The following VSIG4 variants were observed in gnomAD, a reference collection of about 807,000 sequenced individuals.
The protein encoded by VSIG4 is V-set and immunoglobulin domain containing 4, also known as V-set and immunoglobulin domain-containing protein 4.
A neutral mutation model predicts 23.4 loss-of-function variants in VSIG4; 34 were observed. The observed-to-expected ratio is 1.45, with a 90% CI of 1.10 to 1.93. The LOEUF (loss-of-function observed/expected upper bound fraction) is 1.93, where lower values mean the gene tolerates loss of function less well. Among genes scored for constraint, VSIG4 ranks in the 30% most tolerant of loss-of-function variants. VSIG4 has a pLI of 0.00. For missense variants in VSIG4, 433 were observed against 310.8 expected (o/e 1.39, Z -2.96); for synonymous variants, 169 against 120.3 (o/e 1.41, Z -2.65).
chrX:66,025,161 G>A, intron 5 of VSIG4, 32 bp from the exon 6 acceptor site: 2 of 1,050,499 alleles, frequency 1.9e-6, no homozygotes, highest in Non-Finnish European at 2.6e-6. Context: ...AGTGGTATTT[G>A]ATTGAAAATA....
In VSIG4 at chrX:66,022,040, C is replaced by T. The variant is rs765397094; in HGVS notation, c.*223G>A. On this transcript the variant is annotated 3_prime_UTR_variant, in exon 8 of 8. Transcript: ENST00000374737. ...TTTAGAGAGGAGTACCAGAAGCCCC[C>T]GGCAGAGATACTAGAAGGGCCCAGA... The T allele has an allele frequency of 1.0e-4, 117 of 1,154,341 alleles. No homozygotes were observed. The highest frequency in any genetic ancestry group is 1.2e-4 in the South Asian group (6 of 51,803).
intron 1 of VSIG4, among the ~76,000 whole-genome samples, chrX:66,036,202 T>G (rs772562868): frequency 9.0e-6 from 1 of 110,712 alleles, no homozygotes. Context: ...CGTTCCTTTT[T>G]TCTTCCTTCT....
rs779747134 is a variant in VSIG4 at position 66,027,560 on chromosome X, C to G, written c.758-34G>C. The G allele has an allele frequency of 3.6e-6, 4 of 1,106,015 alleles. No individual in the cohort carries two copies. In the South Asian group the frequency reaches 5.8e-5, roughly 16 times the overall value. 91.1% of individuals were successfully genotyped at this position (1,106,015 alleles called of 1,213,427 possible). A position where few individuals can be genotyped will look rare whatever the true frequency, so the allele number is the denominator to read the frequency against. On this transcript the variant is annotated intron_variant, in intron 4 of 7. Transcript: ENST00000374737. Reference sequence around the variant, plus strand: ...ATAGAGAATAGGGTCAGAGATGTCTCTCTTCTTTCAAAAAGTTGAGAGATA... The same window carrying G: ...ATAGAGAATAGGGTCAGAGATGTCTGTCTTCTTTCAAAAAGTTGAGAGATA...
chrX:66,027,589 G>A, intron 4 of VSIG4, 63 bp from the exon 5 acceptor site: 1 of 969,942 alleles, frequency 1.0e-6, no homozygotes, highest in East Asian at 3.3e-5. Flanking sequence ...AGAGATAGGA[G>A]ATGGTTGCAA....
In VSIG4 at chrX:66,033,535, C is replaced by T; in HGVS notation, c.351G>A (p.Trp117Ter). The change falls in exon 2 of 8, where the codon TGG becomes TGA. Residue 117 changes from tryptophan (W) to a stop codon, truncating the protein, a stop_gained. Coordinates refer to ENST00000374737, the MANE Select transcript of VSIG4 (RefSeq NM_007268.3). LOFTEE classifies it high-confidence loss of function. ...CGACTTGGTTGCCATCAGGAGTCTG[C>T]CAGGTGACTTCACACGTGTAGTGGC... ...DRSHYTCEVT[W>*]QTPDGNQVVR... 3 of 1,211,406 alleles carry T rather than the reference C, an allele frequency of 2.5e-6. No homozygotes were observed. Among genetic ancestry groups the T allele is most frequent in the Non-Finnish European group, 3.4e-6 (3 of 895,328 alleles).
chrX:66,030,830 T>C (rs1423681054), intron 3 of VSIG4, among the ~76,000 whole-genome samples: 1 of 111,709 alleles, frequency 9.0e-6, no homozygotes, highest in Non-Finnish European at 1.9e-5. Flanking sequence ...ATCTGTGTTT[T>C]GTTTTGTTCG....
intron 5 of VSIG4, 114 bp downstream of exon 5, chrX:66,027,335 A>C: frequency 1.6e-6 from 1 of 637,930 alleles, no homozygotes. Context: ...CTTGGCACAT[A>C]GCAGGTAATG....
In VSIG4 at chrX:66,039,925, G is replaced by A. The variant is rs375390953; in HGVS notation, c.55+19C>T. ...TGCCTAAGCCAGCAATGGCAGCCAGGCCCCCCTTTCTGCCTTACCATAAGT... is the reference window on the plus strand; with the variant it reads ...TGCCTAAGCCAGCAATGGCAGCCAGACCCCCCTTTCTGCCTTACCATAAGT... On this transcript the variant is annotated intron_variant, in intron 1 of 7. Coordinates refer to ENST00000374737, the MANE Select transcript of VSIG4 (RefSeq NM_007268.3). The A allele has an allele frequency of 1.4e-4, 171 of 1,208,285 alleles. No homozygotes were observed. Among genetic ancestry groups the A allele is most frequent in the Non-Finnish European group, 1.8e-4 (162 of 894,155 alleles).
At chrX:66,034,107 CCTT>C (rs1273156118) in intron 1 of VSIG4, among the ~76,000 whole-genome samples, 2 of 111,845 alleles carry the variant, frequency 1.8e-5, no homozygotes, top group Non-Finnish European at 3.8e-5. Context: ...AGGTAAGTCA[CCTT>C]CTTACCGTGG....
chrX:66,038,724 G>A (rs2085649793), intron 1 of VSIG4, among the ~76,000 whole-genome samples: 1 of 110,981 alleles, frequency 9.0e-6, no homozygotes, highest in Non-Finnish European at 1.9e-5. Flanking sequence ...AATGCTCTTT[G>A]GCTTGGGGGC....
intron 1 of VSIG4, among the ~76,000 whole-genome samples, chrX:66,034,235 A>T (rs1000899365): frequency 2.7e-5 from 3 of 112,222 alleles, no homozygotes; most frequent in African/African-American, 9.7e-5. Flanking sequence ...CACATTTTCC[A>T]AAAGAGATGT....
chrX:66,038,728 TG>T (rs980453939), intron 1 of VSIG4, among the ~76,000 whole-genome samples: 1 of 111,086 alleles, frequency 9.0e-6, no homozygotes, highest in African/African-American at 3.3e-5. Flanking sequence ...CTCTTTGGCT[TG>T]GGGGCAAATT....
intron 1 of VSIG4, among the ~76,000 whole-genome samples, chrX:66,039,578 G>A (rs1033459497): frequency 2.7e-5 from 3 of 111,768 alleles, no homozygotes; most frequent in Non-Finnish European, 3.8e-5. Context: ...AGAGACCAAA[G>A]CTTGGAAGCA....
rs777305404 is a variant in VSIG4 at position 66,022,204 on chromosome X, C to A, written c.*59G>T. 2.5e-6 allele frequency: 3 copies of A among 1,211,495 alleles called. No homozygotes were observed. Among genetic ancestry groups the A allele is most frequent in the African/African-American group, 1.7e-5 (1 of 57,917 alleles). On this transcript the variant is annotated 3_prime_UTR_variant, in exon 8 of 8. Transcript: ENST00000374737. ...AGAGGTAGCAGGGAAGAAGGCCATG[C>A]AGAAGGCAAGGACTGACTAGGCAAT... is the stretch of plus-strand genomic sequence containing the variant.
chrX:66,028,413 G>A (rs904937326), intron 3 of VSIG4, among the ~76,000 whole-genome samples: 1 of 110,960 alleles, frequency 9.0e-6, no homozygotes, highest in African/African-American at 3.3e-5. Context: ...CTGAGACCTA[G>A]TAATTAATTC....
At chrX:66,026,987 A>C (rs1043765913) in intron 5 of VSIG4, among the ~76,000 whole-genome samples, 4 of 111,373 alleles carry the variant, frequency 3.6e-5, no homozygotes, top group South Asian at 7.6e-4. Flanking sequence ...CAAAAGATTT[A>C]TTTGGGATTT....
chrX:66,031,919 T>C (rs2085468405), intron 3 of VSIG4, among the ~76,000 whole-genome samples: 1 of 111,499 alleles, frequency 9.0e-6, no homozygotes. Flanking sequence ...TCAAGCCTAA[T>C]CAAACAAGCA....
chrX:66,037,554 T>C (rs1185272225), intron 1 of VSIG4, among the ~76,000 whole-genome samples: 1 of 31,878 alleles, frequency 3.1e-5, no homozygotes, highest in Non-Finnish European at 5.4e-5. Context: ...TATATTATAT[T>C]ATATATTTAT....
intron 1 of VSIG4, among the ~76,000 whole-genome samples, chrX:66,036,990 AATATAATATATC>A (rs1395762016): frequency 1.7e-4 from 4 of 23,518 alleles, no homozygotes; most frequent in Non-Finnish European, 2.2e-4. Flanking sequence ...TATATCATAT[AATATAATATATC>A]ATATAATATA....
Sources: allele counts gnomAD v4.1 joint callset (sites outside exome capture counted in the v4.1 genomes callset), GRCh38; gene constraint gnomAD v4.1.1; transcripts MANE v1.5; gene names NCBI Gene and HGNC (gene_info 2026-07-23, HGNC 2026-07-21).